The following TUBD1 variants were observed in gnomAD, a reference collection of about 807,000 sequenced individuals.
The protein encoded by TUBD1 is tubulin delta 1, also known as tubulin delta chain.
In TUBD1, 38 loss-of-function variants were observed where a neutral mutation model predicts 51.2. The ratio of observed to expected loss-of-function variants is 0.74; its 90% CI spans 0.57 to 0.97. The LOEUF (loss-of-function observed/expected upper bound fraction) is 0.97. Among genes scored for constraint, TUBD1 ranks in the 50% least tolerant of loss-of-function variants. TUBD1 has a pLI of 0.00. For missense variants in TUBD1, 489 were observed against 538.4 expected (o/e 0.91, Z 0.91); for synonymous variants, 169 against 178.2 (o/e 0.95, Z 0.41).
At chr17:59,879,869 T>A (rs918459255) in intron 4 of TUBD1, among the ~76,000 whole-genome samples, 1 of 152,000 alleles carries the variant, frequency 6.6e-6, no homozygotes, top group Non-Finnish European at 1.5e-5. Flanking sequence ...TTCTCCTGCC[T>A]CAGCCTCCAG....
Position 59,872,172 on chromosome 17 carries a change from G to A in TUBD1, c.934+2367C>T, listed in dbSNP as rs563946142. ...GTTTCTACTACATCCGTGTTAGCCA[G>A]GATGGTCTCGATCTTCTGAACTTGT... On this transcript the variant is annotated intron_variant, in intron 6 of 8. Coordinates refer to ENST00000325752, the MANE Select transcript of TUBD1 (RefSeq NM_016261.4). Among the ~76,000 whole-genome samples the A allele has an allele frequency of 7.9e-5, 12 of 152,242 alleles. No individual in the cohort carries two copies. The East Asian group carries it at 1.9e-3, about 25-fold the overall frequency.
chr17:59,866,274 GC>G (rs908360562), intron 7 of TUBD1, among the ~76,000 whole-genome samples: 1 of 147,544 alleles, frequency 6.8e-6, no homozygotes, highest in African/African-American at 2.5e-5. Context: ...TTGCTCTGCT[GC>G]CCAGGCTGGA....
intron 4 of TUBD1, 31 bp from the exon 5 acceptor site, chr17:59,878,365 G>A: frequency 6.7e-7 from 1 of 1,498,604 alleles, no homozygotes; most frequent in Non-Finnish European, 9.3e-7. Context: ...AAAAAGAAAG[G>A]TAGGAGAGAA....
chr17:59,890,775 G>T, intron 2 of TUBD1, 56 bp downstream of exon 2: 2 of 1,421,170 alleles, frequency 1.4e-6, no homozygotes, highest in Non-Finnish European at 1.9e-6. Context: ...GGAAGGCCTG[G>T]CTTTGAAGGG....
In TUBD1 at chr17:59,889,405, G is replaced by A. The variant is rs150476074; in HGVS notation, c.172+1426C>T. 4.0e-5 allele frequency among the ~76,000 whole-genome samples: 6 copies of A among 151,260 alleles called. No individual in the cohort carries two copies. In the East Asian group the frequency reaches 7.9e-4, roughly 20 times the overall value. ...AGAGAGGCTGGGCACAGTGGCTCAC[G>A]CCTGTAATCCCAGCACTTTGGGAAG... On this transcript the variant is annotated intron_variant, in intron 2 of 8. Coordinates refer to ENST00000325752, the MANE Select transcript of TUBD1 (RefSeq NM_016261.4).
intron 5 of TUBD1, among the ~76,000 whole-genome samples, chr17:59,876,829 T>C (rs902711602): frequency 6.6e-6 from 1 of 151,840 alleles, no homozygotes; most frequent in Non-Finnish European, 1.5e-5. Flanking sequence ...CTGTTCTCCC[T>C]TCCAGCTTTC....
intron 3 of TUBD1, among the ~76,000 whole-genome samples, chr17:59,884,350 C>T (rs548243951): frequency 1.3e-5 from 2 of 151,958 alleles, no homozygotes; most frequent in Admixed American, 6.6e-5. Flanking sequence ...CAGTGACTCA[C>T]GCCTGTAATC....
intron 4 of TUBD1, 157 bp from the exon 5 acceptor site, chr17:59,878,491 T>TC (rs2040329190): frequency 4.1e-6 from 1 of 246,908 alleles, no homozygotes; most frequent in African/African-American, 2.4e-5. Flanking sequence ...TCAGTTTCCT[T>TC]TTTTTTTTTT....
chr17:59,872,638 ATGTGTGAGTATG>A (rs1291412059), intron 6 of TUBD1, among the ~76,000 whole-genome samples: 1 of 139,252 alleles, frequency 7.2e-6, no homozygotes, highest in African/African-American at 2.7e-5. Flanking sequence ...TTGTGTTTGT[ATGTGTGAGTATG>A]TGTGTGAGTG....
At chr17:59,888,021 G>A (rs1339573741) in intron 2 of TUBD1, among the ~76,000 whole-genome samples, 2 of 151,430 alleles carry the variant, frequency 1.3e-5, no homozygotes, top group Non-Finnish European at 2.9e-5. Flanking sequence ...TGCAAGCTCC[G>A]CCTCCTGGGT....
chr17:59,878,008 T>C, intron 5 of TUBD1, 95 bp downstream of exon 5: 3 of 924,012 alleles, frequency 3.2e-6, no homozygotes, highest in Non-Finnish European at 3.3e-6. Context: ...AAGACTTAAG[T>C]GTATCTTCAG....
chr17:59,879,325 C>A (rs1476079179), intron 4 of TUBD1, among the ~76,000 whole-genome samples: 1 of 150,204 alleles, frequency 6.7e-6, no homozygotes, highest in African/African-American at 2.4e-5. Context: ...ATAAAAATTA[C>A]TTGAGGGTGG....
chr17:59,866,231 CTTTT>C (rs544961480), intron 7 of TUBD1, among the ~76,000 whole-genome samples: 8 of 132,156 alleles, frequency 6.1e-5, no homozygotes, highest in Non-Finnish European at 8.3e-5. Context: ...GAAAACAATT[CTTTT>C]TTTTTTTTTT....
At chr17:59,889,744 C>T (rs71373809) in intron 2 of TUBD1, among the ~76,000 whole-genome samples, 3 of 150,612 alleles carry the variant, frequency 2.0e-5, no homozygotes, top group Non-Finnish European at 3.0e-5. Context: ...CCAAGGCAGG[C>T]GGATCACTTG....
At chr17:59,881,890 A>T (rs2144543129) in intron 3 of TUBD1, among the ~76,000 whole-genome samples, 1 of 152,068 alleles carries the variant, frequency 6.6e-6, no homozygotes, top group East Asian at 1.9e-4. Context: ...GCTGGTCTCA[A>T]ACTCCTGAAC....
At chr17:59,868,954 C>A (rs917383441) in intron 6 of TUBD1, among the ~76,000 whole-genome samples, 3 of 150,830 alleles carry the variant, frequency 2.0e-5, no homozygotes, top group African/African-American at 7.3e-5. Flanking sequence ...GAGTTTGAGG[C>A]TGCATTGAGC....
Position 59,859,867 on chromosome 17 carries a change from TACAAATGA to T in TUBD1, c.*447_*454del, listed in dbSNP as rs1339207112. 1 of 152,188 alleles carries T rather than the reference TACAAATGA, an allele frequency of 6.6e-6. No individual in the cohort carries two copies. The highest frequency in any genetic ancestry group is 2.4e-5 in the African/African-American group (1 of 41,430). The allele number at this position is 152,188 out of a possible 1,614,324, so 9.4% of individuals were successfully genotyped here. On this transcript the variant is annotated 3_prime_UTR_variant, in exon 9 of 9. Transcript: ENST00000325752. ...TTATAAAAGCACCATTTTTTTTTCT[TACAAATGA>T]AATACCAAGTGAATGTTTTCATTGA... is the stretch of plus-strand genomic sequence containing the variant.
intron 6 of TUBD1, among the ~76,000 whole-genome samples, chr17:59,868,919 C>T (rs567498791): frequency 1.3e-5 from 2 of 150,478 alleles, no homozygotes; most frequent in Non-Finnish European, 3.0e-5. Context: ...TAGGAAGCTG[C>T]GATAGGAGGA....
intron 5 of TUBD1, among the ~76,000 whole-genome samples, chr17:59,876,503 T>C (rs1386106895): frequency 6.6e-6 from 1 of 151,788 alleles, no homozygotes; most frequent in African/African-American, 2.4e-5. Context: ...TACAGGCATG[T>C]GCCACCATGC....
Sources: gnomAD v4.1 joint callset for allele counts (sites outside exome capture counted in the v4.1 genomes callset) on GRCh38, gnomAD v4.1.1 for gene constraint, MANE v1.5 for transcripts, NCBI Gene and HGNC (gene_info 2026-07-23, HGNC 2026-07-21) for gene names.